FGFR2: variants seen among roughly 807,000 people sequenced by gnomAD.
FGFR2 encodes fibroblast growth factor receptor 2.
FGFR2 carries 19 observed loss-of-function variants against 95.9 expected under a neutral mutation model. The ratio of observed to expected loss-of-function variants is 0.20; its 90% CI spans 0.14 to 0.29. The LOEUF is 0.29. Among genes scored for constraint, FGFR2 ranks in the 10% least tolerant of loss-of-function variants. The pLI is 1.00. For synonymous variants in FGFR2, 392 were observed against 393.3 expected, an observed-to-expected ratio of 1.00 and a Z score of 0.04; for missense variants, 707 against 1,056.9, an observed-to-expected ratio of 0.67 and a Z score of 4.59.
chr10:121,501,372 G>C (rs577208988), intron 10 of FGFR2, among the ~76,000 whole-genome samples: 2 of 152,066 alleles, frequency 1.3e-5, no homozygotes, highest in Non-Finnish European at 2.9e-5. Context: ...AATACCAATG[G>C]ATTTTATGGT....
chr10:121,518,630 T>G lies in FGFR2; in HGVS notation c.940-1167A>C. On this transcript the variant is annotated intron_variant, in intron 7 of 17. Coordinates refer to ENST00000358487, the MANE Select transcript of FGFR2 (RefSeq NM_000141.5). This position sits in a 1 kb window ranked among gnomAD's most constrained non-coding sequence, Gnocchi z 4.0. The stretch of plus-strand genomic sequence containing the variant: ...TCCCAAAGCACCAAGTCTTTTCAGC[T>G]TCTATATCCAGCTTTCTTTTTAAAA... 2 of 1,611,190 alleles carry G rather than the reference T, an allele frequency of 1.2e-6. No individual in the cohort carries two copies. Among genetic ancestry groups the G allele is most frequent in the Non-Finnish European group, 1.7e-6 (2 of 1,178,152 alleles).
At chr10:121,489,480 G>C (rs759735239) in intron 13 of FGFR2, among the ~76,000 whole-genome samples, 2 of 152,074 alleles carry the variant, frequency 1.3e-5, no homozygotes, top group Non-Finnish European at 2.9e-5. Context: ...CCTTCAAATA[G>C]AGGAATTGTT....
At position 121,485,362 on chromosome 10, in the gene FGFR2, TG is replaced by T. The variant is rs1465895158; in HGVS notation, c.2195+32del. ...GGTATTACTGGTGTGGCAAGTCCAC[TG>T]GGGCACCGGCAGGAAAGACAACAGC... On this transcript the variant is annotated intron_variant, in intron 16 of 17. Transcript: ENST00000358487. This position sits in a 1 kb window ranked among gnomAD's most constrained non-coding sequence, Gnocchi z 4.2. 6.2e-7 allele frequency: 1 copy of T among 1,613,862 alleles called. No homozygotes were observed. The highest frequency in any genetic ancestry group is 1.3e-5 in the African/African-American group (1 of 74,880).
rs751608990 is a variant in FGFR2 at position 121,500,818 on chromosome 10, C to T, written c.1561+8G>A. The T allele has an allele frequency of 1.2e-6, 2 of 1,613,784 alleles. No individual in the cohort carries two copies. Among genetic ancestry groups the T allele is most frequent in the African/African-American group, 2.7e-5 (2 of 74,940 alleles). ...GCCCCTCCCCGAGCCTCCCGCCTCC[C>T]CGCTCACCTTTCAACATCTTCACGG... On this transcript the variant is annotated splice_region_variant and intron_variant, in intron 11 of 17. Coordinates refer to ENST00000358487, the MANE Select transcript of FGFR2 (RefSeq NM_000141.5).
At chr10:121,521,440 CAT>C (rs1436619226) in intron 6 of FGFR2, among the ~76,000 whole-genome samples, 3 of 152,308 alleles carry the variant, frequency 2.0e-5, no homozygotes, top group South Asian at 2.1e-4. Context: ...AGCAACCACA[CAT>C]GAGACTCCTC....
At chr10:121,538,804 G>A (rs2134614112) in intron 5 of FGFR2, 89 bp from the exon 6 acceptor site, 1 of 1,569,026 alleles carries the variant, frequency 6.4e-7, no homozygotes, top group Non-Finnish European at 8.7e-7. Context: ...AGAAGCTGAA[G>A]GAGGCAAGAA....
At chr10:121,489,773 G>A (rs1845890155) in intron 13 of FGFR2, among the ~76,000 whole-genome samples, 1 of 152,142 alleles carries the variant, frequency 6.6e-6, no homozygotes. Context: ...GCCTTCCCAT[G>A]TGTCCACACC....
At chr10:121,560,617 A>C (rs1241913198) in intron 4 of FGFR2, among the ~76,000 whole-genome samples, 1 of 127,300 alleles carries the variant, frequency 7.9e-6, no homozygotes, top group African/African-American at 3.8e-5. Flanking sequence ...TCCGTCCCCA[A>C]AAAAAAAAAA....
At chr10:121,584,040 T>C (rs564700631) in intron 2 of FGFR2, among the ~76,000 whole-genome samples, 3 of 152,126 alleles carry the variant, frequency 2.0e-5, no homozygotes, top group African/African-American at 7.2e-5. Context: ...ACCATCATCA[T>C]CATCATCATC....
At chr10:121,501,150 G>A (rs532885936) in intron 10 of FGFR2, among the ~76,000 whole-genome samples, 3 of 152,250 alleles carry the variant, frequency 2.0e-5, no homozygotes, top group East Asian at 1.9e-4. Context: ...CTGGTGGAAC[G>A]GCTATTAAAT....
At chr10:121,546,240 T>G (rs1854498864) in intron 5 of FGFR2, among the ~76,000 whole-genome samples, 1 of 149,746 alleles carries the variant, frequency 6.7e-6, no homozygotes, top group Admixed American at 6.6e-5. Flanking sequence ...TGGCTGATGC[T>G]ACACGATGGT....
chr10:121,550,034 T>C (rs1279173734), intron 5 of FGFR2, among the ~76,000 whole-genome samples: 1 of 152,242 alleles, frequency 6.6e-6, no homozygotes, highest in Non-Finnish European at 1.5e-5. Context: ...TAAGGTTTCC[T>C]TCAGTCCTTT....
In FGFR2 at chr10:121,491,873, C is replaced by CAAA. The variant is rs149016265; in HGVS notation, c.1864-3763_1864-3761dup. On this transcript the variant is annotated intron_variant, in intron 13 of 17. Coordinates refer to ENST00000358487, the MANE Select transcript of FGFR2 (RefSeq NM_000141.5). ...CAAAAGAGCTAGACTCTGTCTCAAC[C>CAAA]AAAAAAAAAAAAAAACTGCTCAGGG... Among the ~76,000 whole-genome samples the CAAA allele has an allele frequency of 1.2e-3, 153 of 128,530 alleles. 4 individuals carry two copies. The highest frequency in any genetic ancestry group is 2.0e-3 in the East Asian group (8 of 4,010). The allele number at this position is 128,530 out of a possible 152,430, so 84.3% of individuals were successfully genotyped here. A position where few individuals can be genotyped will look rare whatever the true frequency, so the allele number is the denominator to read the frequency against.
chr10:121,587,000 G>C (rs896191492), intron 2 of FGFR2, among the ~76,000 whole-genome samples: 1 of 152,074 alleles, frequency 6.6e-6, no homozygotes, highest in Non-Finnish European at 1.5e-5. Flanking sequence ...AAACTATACT[G>C]TGGGGCTACG....
chr10:121,577,178 T>TATATATATACAGAGAGAG, intron 2 of FGFR2, among the ~76,000 whole-genome samples: 1 of 5,214 alleles, frequency 1.9e-4, no homozygotes, highest in African/African-American at 7.8e-4. Context: ...TATATATATA[T>TATATATATACAGAGAGAG]AGAGAGAGAG....
intron 9 of FGFR2, among the ~76,000 whole-genome samples, chr10:121,505,885 GTCC>G (rs1431238096): frequency 6.6e-6 from 1 of 152,148 alleles, no homozygotes; most frequent in South Asian, 2.1e-4. Flanking sequence ...AAATCTTTCT[GTCC>G]TCCTAATTCA....
At chr10:121,594,146 A>G (rs1863099618) in intron 1 of FGFR2, 179 bp from the exon 2 acceptor site, 4 of 492,068 alleles carry the variant, frequency 8.1e-6, no homozygotes, top group Non-Finnish European at 1.1e-5. Flanking sequence ...AGACCGGTCC[A>G]CAGAAATGTG....
chr10:121,506,965 G>T (rs1564894855), intron 9 of FGFR2, among the ~76,000 whole-genome samples: 1 of 152,198 alleles, frequency 6.6e-6, no homozygotes, highest in Non-Finnish European at 1.5e-5. Flanking sequence ...AAAACGAAGG[G>T]CATATGCTTG....
Position 121,518,910 on chromosome 10 carries a change from G to A in FGFR2, c.939+1069C>T, listed in dbSNP as rs986739867. On this transcript the variant is annotated intron_variant, in intron 7 of 17. Transcript: ENST00000358487. This position sits in a 1 kb window ranked among gnomAD's most constrained non-coding sequence, Gnocchi z 4.0. The stretch of plus-strand genomic sequence containing the variant: ...TCTATGGTCCCACCACCAACACACC[G>A]CAAGAAAACAAACTCCATTACGTCT... The A allele has an allele frequency of 5.1e-5, 79 of 1,545,550 alleles. No homozygotes were observed. The highest frequency in any genetic ancestry group is 3.4e-4 in the Middle Eastern group (2 of 5,900).
Sources: gnomAD v4.1 joint callset for allele counts (sites outside exome capture counted in the v4.1 genomes callset) on GRCh38, gnomAD v4.1.1 for gene constraint, Gnocchi (gnomAD v3.1) non-coding constraint, MANE v1.5 for transcripts, NCBI Gene and HGNC (gene_info 2026-07-23, HGNC 2026-07-21) for gene names.